Variants in OPCML observed in about 807,000 individuals in gnomAD.
OPCML encodes the protein opioid-binding protein/cell adhesion molecule.
A neutral mutation model predicts 37.8 loss-of-function variants in OPCML; 13 were observed. The observed-to-expected ratio is 0.34, with a 90% CI of 0.22 to 0.55. The LOEUF is 0.55. OPCML is among the 20% of genes least tolerant of loss of function. The probability of loss-of-function intolerance (pLI) is 0.91; values close to 1 mark genes in which losing one functional copy is unlikely to be tolerated. For synonymous variants in OPCML, 176 were observed against 168.8 expected, an observed-to-expected ratio of 1.04 and a Z score of -0.33; for missense variants, 341 against 435.6, an observed-to-expected ratio of 0.78 and a Z score of 1.93.
intron 1 of OPCML, among the ~76,000 whole-genome samples, chr11:133,170,717 G>T (rs1950277544): frequency 6.6e-6 from 1 of 151,412 alleles, no homozygotes; most frequent in Admixed American, 6.6e-5. Context: ...TGAGTGTTCT[G>T]CATTTTACCT....
intron 1 of OPCML, among the ~76,000 whole-genome samples, chr11:133,509,819 C>T (rs1423556058): frequency 6.6e-6 from 1 of 152,168 alleles, no homozygotes; most frequent in Non-Finnish European, 1.5e-5. Context: ...AGTACCCTTT[C>T]TATGTAAGTC....
At chr11:132,683,492 A>C (rs1299302405) in intron 2 of OPCML, among the ~76,000 whole-genome samples, 19 of 152,260 alleles carry the variant, frequency 1.2e-4, no homozygotes, top group Non-Finnish European at 2.9e-5. Flanking sequence ...TAATATCAAG[A>C]CCAAATCCTG....
intron 2 of OPCML, among the ~76,000 whole-genome samples, chr11:132,683,048 A>G (rs1943019557): frequency 6.6e-6 from 1 of 152,184 alleles, no homozygotes; most frequent in Admixed American, 6.5e-5. Flanking sequence ...TTAGCACACA[A>G]CTTATATCTA....
chr11:132,871,435 C>T (rs78585041), intron 2 of OPCML, among the ~76,000 whole-genome samples: 1,982 of 152,100 alleles, frequency 0.013, 50 homozygotes, highest in African/African-American at 0.045. Flanking sequence ...GTCATTATTC[C>T]CTAAGCAATG....
At chr11:133,374,000 G>C (rs766562582) in intron 1 of OPCML, among the ~76,000 whole-genome samples, 1 of 152,142 alleles carries the variant, frequency 6.6e-6, no homozygotes, top group Non-Finnish European at 1.5e-5. Flanking sequence ...TCATTCTACT[G>C]CTAGGTATTT....
At chr11:133,219,606 A>G (rs2077459) in intron 1 of OPCML, among the ~76,000 whole-genome samples, 51,616 of 151,752 alleles carry the variant, frequency 0.34, 9,462 homozygotes, top group African/African-American at 0.48. Context: ...TCAGGTCTGC[A>G]GTGTGATGAG....
rs577661856 is a variant in OPCML at position 133,366,238 on chromosome 11, C to T, written c.61+166026G>A. ...TGTAAATCAGGTCACGAATACAAAT[C>T]CTGCTGTGAGAGTCTGATGATCCCG... is the stretch of plus-strand genomic sequence containing the variant. On this transcript the variant is annotated intron_variant, in intron 1 of 7. Coordinates refer to ENST00000524381, the MANE Select transcript of OPCML (RefSeq NM_001012393.5). 5.3e-5 allele frequency among the ~76,000 whole-genome samples: 8 copies of T among 152,324 alleles called. No homozygotes were observed. In the South Asian group the frequency reaches 1.7e-3, roughly 32 times the overall value.
chr11:132,441,896 C>A (rs2096036973), intron 4 of OPCML, among the ~76,000 whole-genome samples: 1 of 152,172 alleles, frequency 6.6e-6, no homozygotes, highest in African/African-American at 2.4e-5. Flanking sequence ...TCAGTAGGGA[C>A]ACACATTCCA....
intron 2 of OPCML, among the ~76,000 whole-genome samples, chr11:132,902,391 G>A (rs758476510): frequency 8.5e-5 from 13 of 152,122 alleles, no homozygotes; most frequent in Non-Finnish European, 1.0e-4. Context: ...CCTGTGTGAC[G>A]TGCTCAGCAT....
At chr11:133,219,566 C>T (rs910644483) in intron 1 of OPCML, among the ~76,000 whole-genome samples, 1 of 152,152 alleles carries the variant, frequency 6.6e-6, no homozygotes, top group Non-Finnish European at 1.5e-5. Flanking sequence ...CATAATCCAT[C>T]CCCTGGGTCC....
At chr11:132,467,305 C>T (rs180798520) in intron 4 of OPCML, among the ~76,000 whole-genome samples, 17 of 152,320 alleles carry the variant, frequency 1.1e-4, no homozygotes, top group Non-Finnish European at 2.1e-4. Flanking sequence ...GTTCCCGTCA[C>T]CTGAGAGGTG....
chr11:133,474,632 T>C (rs1227537793), intron 1 of OPCML, among the ~76,000 whole-genome samples: 4 of 152,198 alleles, frequency 2.6e-5, no homozygotes, highest in Non-Finnish European at 5.9e-5. Flanking sequence ...GTAGCCATGA[T>C]TCCTGGAGAG....
At chr11:133,406,767 C>G (rs1013786603) in intron 1 of OPCML, among the ~76,000 whole-genome samples, 1 of 152,178 alleles carries the variant, frequency 6.6e-6, no homozygotes, top group Admixed American at 6.5e-5. Context: ...GGTCAGGGGA[C>G]TGGCACTATC....
intron 1 of OPCML, among the ~76,000 whole-genome samples, chr11:133,156,535 G>A (rs979589835): frequency 6.6e-6 from 1 of 152,194 alleles, no homozygotes; most frequent in African/African-American, 2.4e-5. Context: ...TCTAGGCTGA[G>A]ACTTTCTGGG....
intron 1 of OPCML, among the ~76,000 whole-genome samples, chr11:133,032,113 C>T (rs767468339): frequency 1.3e-5 from 2 of 152,140 alleles, no homozygotes; most frequent in African/African-American, 4.8e-5. Flanking sequence ...TTCCAATCTC[C>T]TCTGTAAACA....
chr11:133,173,969 C>A lies in OPCML; in HGVS notation c.62-230959G>T, dbSNP rs950998269. Among the ~76,000 whole-genome samples the A allele has an allele frequency of 2.2e-4, 34 of 152,304 alleles. No individual in the cohort carries two copies. The highest frequency in any genetic ancestry group is 3.4e-3 in the Middle Eastern group (1 of 294). ...CATTCTACAAGGATCCCCAGTCAGC[C>A]AATGCACCGGGACGCTGACATAAAT... On this transcript the variant is annotated intron_variant, in intron 1 of 7. Transcript: ENST00000524381. This position sits in a 1 kb window ranked among gnomAD's most constrained non-coding sequence, Gnocchi z 7.8.
chr11:132,462,631 C>T (rs559934300), intron 4 of OPCML, among the ~76,000 whole-genome samples: 3 of 152,298 alleles, frequency 2.0e-5, no homozygotes, highest in African/African-American at 7.2e-5. Context: ...TGCCATAAGA[C>T]ATACAGAAAT....
chr11:132,480,543 G>A (rs572820060), intron 4 of OPCML, among the ~76,000 whole-genome samples: 2 of 152,232 alleles, frequency 1.3e-5, no homozygotes, highest in East Asian at 3.9e-4. Flanking sequence ...TCCTTGAGAA[G>A]AGCAACTCCA....
chr11:133,225,799 GA>G (rs545594287), intron 1 of OPCML, among the ~76,000 whole-genome samples: 16 of 152,216 alleles, frequency 1.1e-4, no homozygotes, highest in Admixed American at 2.6e-4. Context: ...GAACTCTTAT[GA>G]AGTTTCTAGT....
Sources: allele counts gnomAD v4.1 joint callset (sites outside exome capture counted in the v4.1 genomes callset), GRCh38; gene constraint gnomAD v4.1.1; non-coding constraint Gnocchi (gnomAD v3.1); transcripts MANE v1.5; gene names NCBI Gene and HGNC (gene_info 2026-07-23, HGNC 2026-07-21).